Variants in UTRN observed in about 807,000 individuals in gnomAD.
The protein encoded by UTRN is utrophin, also known as dystrophin-related protein 1.
Under a neutral mutation model 463.9 loss-of-function variants are expected in UTRN, and 283 were observed. The observed-to-expected ratio is 0.61, with a 90% CI of 0.55 to 0.67. The LOEUF (loss-of-function observed/expected upper bound fraction) is 0.67, where lower values mean the gene tolerates loss of function less well. Ranked by LOEUF, UTRN falls within the 30% of genes least tolerant of loss-of-function variation. The pLI is 0.00. For synonymous variants in UTRN, 1,442 were observed against 1,431.5 expected, an observed-to-expected ratio of 1.01 and a Z score of -0.17; for missense variants, 3,922 against 4,084.3, an observed-to-expected ratio of 0.96 and a Z score of 1.08.
At chr6:144,574,370 A>C (rs1356041602) in intron 50 of UTRN, among the ~76,000 whole-genome samples, 1 of 152,164 alleles carries the variant, frequency 6.6e-6, no homozygotes, top group Non-Finnish European at 1.5e-5. Context: ...AGCAGAATGC[A>C]TGTGAGATTC....
chr6:144,437,194 T>A (rs951344149), intron 10 of UTRN, among the ~76,000 whole-genome samples: 1 of 152,078 alleles, frequency 6.6e-6, no homozygotes, highest in East Asian at 1.9e-4. Context: ...GCCTAGGTGA[T>A]CCACCTGCCT....
chr6:144,298,246 C>G (rs964137915), intron 2 of UTRN, among the ~76,000 whole-genome samples: 1 of 152,082 alleles, frequency 6.6e-6, no homozygotes, highest in Non-Finnish European at 1.5e-5. Flanking sequence ...AGTATGAGTT[C>G]TTAATGTATA....
intron 2 of UTRN, among the ~76,000 whole-genome samples, chr6:144,367,223 G>C (rs112065793): frequency 0.022 from 3,269 of 151,974 alleles, 116 homozygotes; most frequent in African/African-American, 0.073. Context: ...GACCTCAAGT[G>C]ATCTGCCTGC....
chr6:144,687,958 T>C (rs2128690107), intron 52 of UTRN, among the ~76,000 whole-genome samples: 1 of 152,310 alleles, frequency 6.6e-6, no homozygotes, highest in South Asian at 2.1e-4. Flanking sequence ...AACTATTTGG[T>C]TTTTCTTCTC....
At chr6:144,520,291 G>C (rs1239202315) in intron 39 of UTRN, among the ~76,000 whole-genome samples, 1 of 152,162 alleles carries the variant, frequency 6.6e-6, no homozygotes, top group African/African-American at 2.4e-5. Flanking sequence ...TATTTGAAAT[G>C]AAAATCCAAA....
chr6:144,290,942 T>TAA (rs1562708653), intron 1 of UTRN, among the ~76,000 whole-genome samples: 2 of 150,840 alleles, frequency 1.3e-5, no homozygotes, highest in Non-Finnish European at 3.0e-5. Flanking sequence ...TTTTTTTTTT[T>TAA]TTTTTGTATT....
chr6:144,534,049 A>T (rs1298118118), intron 43 of UTRN, among the ~76,000 whole-genome samples: 1 of 151,960 alleles, frequency 6.6e-6, no homozygotes, highest in Non-Finnish European at 1.5e-5. Flanking sequence ...TATTTTAGTG[A>T]TAAGCTATCA....
At chr6:144,399,057 G>A (rs1782707478) in intron 2 of UTRN, among the ~76,000 whole-genome samples, 2 of 152,150 alleles carry the variant, frequency 1.3e-5, no homozygotes, top group African/African-American at 2.4e-5. Flanking sequence ...TTTAATTTTG[G>A]CTTTTTTAAG....
chr6:144,721,397 C>T (rs768125446), intron 53 of UTRN, among the ~76,000 whole-genome samples: 10 of 152,248 alleles, frequency 6.6e-5, no homozygotes, highest in East Asian at 5.8e-4. Flanking sequence ...GTTATTGAGA[C>T]GGGGTCTAGC....
intron 2 of UTRN, among the ~76,000 whole-genome samples, chr6:144,329,340 C>T (rs1387747507): frequency 6.6e-6 from 1 of 152,060 alleles, no homozygotes; most frequent in African/African-American, 2.4e-5. Context: ...CTCGGCCTCC[C>T]AAAGTGCTGG....
At position 144,376,548 on chromosome 6, in the gene UTRN, G is replaced by A. The variant is rs1405299164; in HGVS notation, c.80-26575G>A. Among the ~76,000 whole-genome samples the A allele has an allele frequency of 4.6e-5, 7 of 151,808 alleles. No individual in the cohort carries two copies. The East Asian group carries it at 5.8e-4, about 13-fold the overall frequency. Reference sequence around the variant, plus strand: ...TGGACTCAAGCAATCCGCCCTCCTCGGCCTCCCAAAGTGCTGGGATTATAG... The same window carrying A: ...TGGACTCAAGCAATCCGCCCTCCTCAGCCTCCCAAAGTGCTGGGATTATAG... On this transcript the variant is annotated intron_variant, in intron 2 of 74. Coordinates refer to ENST00000367545, the MANE Select transcript of UTRN (RefSeq NM_007124.3).
chr6:144,719,752 A>G (rs940474646), intron 53 of UTRN, among the ~76,000 whole-genome samples: 10 of 152,238 alleles, frequency 6.6e-5, no homozygotes, highest in African/African-American at 2.2e-4. Flanking sequence ...CTTGGTAGGA[A>G]GTTTAGAATT....
At chr6:144,320,171 G>T (rs971189955) in intron 2 of UTRN, among the ~76,000 whole-genome samples, 4 of 152,196 alleles carry the variant, frequency 2.6e-5, no homozygotes, top group African/African-American at 9.6e-5. Context: ...ATTTTTAAAG[G>T]TGTAAATTCT....
Position 144,751,834 on chromosome 6 carries a change from A to C in UTRN, c.8237A>C (p.Asn2746Thr). The C allele has an allele frequency of 6.2e-7, 1 of 1,610,002 alleles. No homozygotes were observed. The highest frequency in any genetic ancestry group is 8.5e-7 in the Non-Finnish European group (1 of 1,178,426). The stretch of plus-strand genomic sequence containing the variant: ...TTTAGAGAAGAAATTGCACCAATCA[A>C]CTTTAAAGTTAAAACGGTGAATGAT... ...MAFREEIAPI[N>T]FKVKTVNDLS... The change falls in exon 56 of 75, where the codon AAC becomes ACC. Residue 2746 changes from asparagine to threonine, a missense_variant. By Grantham distance (65) the Asn-to-Thr change is moderately conservative. Transcript: ENST00000367545.
chr6:144,439,090 A>T (rs2114897237), intron 12 of UTRN, among the ~76,000 whole-genome samples, 195 bp downstream of exon 12: 1 of 152,264 alleles, frequency 6.6e-6, no homozygotes, highest in South Asian at 2.1e-4. Context: ...GCACGGTAAA[A>T]TTTTATATGT....
intron 51 of UTRN, among the ~76,000 whole-genome samples, chr6:144,626,513 C>A (rs1307829494): frequency 6.6e-6 from 1 of 152,212 alleles, no homozygotes; most frequent in Non-Finnish European, 1.5e-5. Flanking sequence ...GAAATAATTC[C>A]TCTTTTAAGG....
intron 52 of UTRN, among the ~76,000 whole-genome samples, chr6:144,697,867 G>A (rs1157331598): frequency 6.6e-6 from 1 of 152,164 alleles, no homozygotes; most frequent in East Asian, 1.9e-4. Flanking sequence ...AATACAATAA[G>A]TGTTTGCAAC....
In UTRN at chr6:144,561,258, T is replaced by TACACAC. The variant is rs374956062; in HGVS notation, c.7289+3948_7289+3949insCACACA. ...ATATATATATATATATATATATATA[T>TACACAC]ATACATACACACACACACGTATACA... On this transcript the variant is annotated intron_variant, in intron 50 of 74. Transcript: ENST00000367545. 1.0e-4 allele frequency among the ~76,000 whole-genome samples: 8 copies of TACACAC among 78,800 alleles called. No individual in the cohort carries two copies. The East Asian group carries it at 1.2e-3, about 12-fold the overall frequency. 51.7% of individuals were successfully genotyped at this position (78,800 alleles called of 152,430 possible).
At chr6:144,495,450 C>G (rs1003243445) in intron 33 of UTRN, among the ~76,000 whole-genome samples, 3 of 152,228 alleles carry the variant, frequency 2.0e-5, no homozygotes, top group Non-Finnish European at 4.4e-5. Context: ...GAGTGCGGGG[C>G]CCGCCAAGCC....
Sources: gnomAD v4.1 joint callset for allele counts (sites outside exome capture counted in the v4.1 genomes callset) on GRCh38, gnomAD v4.1.1 for gene constraint, MANE v1.5 for transcripts, NCBI Gene and HGNC (gene_info 2026-07-23, HGNC 2026-07-21) for gene names.